The following RRAGC variants were observed in gnomAD, a reference collection of about 807,000 sequenced individuals.
The protein encoded by RRAGC is ras-related GTP-binding protein C.
RRAGC carries 8 observed loss-of-function variants against 37.1 expected under a neutral mutation model. The observed-to-expected ratio is 0.22, with a 90% CI of 0.13 to 0.39. The LOEUF (loss-of-function observed/expected upper bound fraction) is 0.39. Ranked by LOEUF, RRAGC falls within the 10% of genes least tolerant of loss-of-function variation. RRAGC has a pLI of 1.00. For synonymous variants in RRAGC, 190 were observed against 181.1 expected, an observed-to-expected ratio of 1.05 and a Z score of -0.39; for missense variants, 342 against 497.6, an observed-to-expected ratio of 0.69 and a Z score of 2.98.
In RRAGC at chr1:38,859,655, A is replaced by G. The variant is rs2124238935; in HGVS notation, c.-9T>C. The G allele has an allele frequency of 1.3e-6, 2 of 1,539,360 alleles. No individual in the cohort carries two copies. Among genetic ancestry groups the G allele is most frequent in the Non-Finnish European group, 1.7e-6 (2 of 1,143,548 alleles). ...CCGTACTGCAGGGACATGGTGCTGG[A>G]GCCGCCGCCGCCCGCGCCCTGACAG... On this transcript the variant is annotated 5_prime_UTR_variant, in exon 1 of 7. Coordinates refer to ENST00000373001, the MANE Select transcript of RRAGC (RefSeq NM_022157.4).
chr1:38,852,459 G>T lies in RRAGC; in HGVS notation c.671C>A (p.Ser224Ter). ...CACCTTACTAAAGGCTTCAAATATTGAATGGTCATAGATACTAGTCAGATA... is the reference window on the plus strand; with the variant it reads ...CACCTTACTAAAGGCTTCAAATATTTAATGGTCATAGATACTAGTCAGATA... ...SFYLTSIYDH[S>*]IFEAFSKVVQ... is the part of the protein sequence containing the mutation. The change falls in exon 4 of 7, where the codon TCA becomes TAA. Residue 224 changes from serine to a stop codon, truncating the protein, a stop_gained. Transcript: ENST00000373001. LOFTEE classifies it high-confidence loss of function. The T allele has an allele frequency of 6.2e-7, 1 of 1,603,380 alleles. No individual in the cohort carries two copies. The highest frequency in any genetic ancestry group is 8.5e-7 in the Non-Finnish European group (1 of 1,170,918).
rs1351672060 is a variant in RRAGC, at chr1:38,839,433, G to C, written c.*120C>G. ...ATCCAAATGAGAAACTCTACCCCTTGTCTCTAGTGGAACAGGCACCAGATT... is the reference window on the plus strand; with the variant it reads ...ATCCAAATGAGAAACTCTACCCCTTCTCTCTAGTGGAACAGGCACCAGATT... On this transcript the variant is annotated 3_prime_UTR_variant, in exon 7 of 7. Transcript: ENST00000373001. 2.0e-6 allele frequency: 2 copies of C among 1,018,798 alleles called. No homozygotes were observed. The highest frequency in any genetic ancestry group is 5.1e-5 in the East Asian group (2 of 39,450). The allele number at this position is 1,018,798 out of a possible 1,614,324, so 63.1% of individuals were successfully genotyped here. A position where few individuals can be genotyped will look rare whatever the true frequency, so the allele number is the denominator to read the frequency against.
In RRAGC at chr1:38,855,882, C is replaced by A. The variant is rs756733917; in HGVS notation, c.467G>T (p.Arg156Ile). 1 of 1,613,444 alleles carries A rather than the reference C, an allele frequency of 6.2e-7. No individual in the cohort carries two copies. Among genetic ancestry groups the A allele is most frequent in the Non-Finnish European group, 8.5e-7 (1 of 1,179,572 alleles). ...AQDDYMEALT[R>I]LHITVSKAYK... is the part of the protein sequence containing the mutation. ...GGCTTTAGAAACAGTAATGTGAAGTCTTGTTAAAGCCTCCATGTAGTCATC... is the reference window on the plus strand; with the variant it reads ...GGCTTTAGAAACAGTAATGTGAAGTATTGTTAAAGCCTCCATGTAGTCATC... Residue 156 changes from arginine (R) to isoleucine (I), a missense_variant, in exon 3 of 7, where the codon AGA becomes ATA. Coordinates refer to ENST00000373001, the MANE Select transcript of RRAGC (RefSeq NM_022157.4).
rs182112187 is a variant in RRAGC at position 38,858,294 on chromosome 1, G to A, written c.237+1116C>T. ...TTTGGATAGGCCTTTGCAACAGAGT[G>A]GAGAGGTGAAAAGACCAGGTGCCTG... On this transcript the variant is annotated intron_variant, in intron 1 of 6. Transcript: ENST00000373001. Among the ~76,000 whole-genome samples the A allele has an allele frequency of 3.3e-5, 5 of 152,264 alleles. No homozygotes were observed. In the East Asian group the frequency reaches 9.7e-4, roughly 29 times the overall value.
At chr1:38,839,746 A>AT in intron 6 of RRAGC, 42 bp from the exon 7 acceptor site, 1 of 1,594,116 alleles carries the variant, frequency 6.3e-7, no homozygotes, top group Non-Finnish European at 8.6e-7. Flanking sequence ...TGAATTGTCA[A>AT]TTGTGAAATT....
chr1:38,851,548 T>C, intron 5 of RRAGC, 67 bp downstream of exon 5: 1 of 1,406,008 alleles, frequency 7.1e-7, no homozygotes, highest in African/African-American at 1.5e-5. Context: ...AAATTAGTCT[T>C]CTGAACAAAT....
chr1:38,851,830 A>G, intron 4 of RRAGC, 73 bp from the exon 5 acceptor site: 1 of 1,344,696 alleles, frequency 7.4e-7, no homozygotes, highest in East Asian at 2.4e-5. Flanking sequence ...AAGATCTAGA[A>G]TTACTGAATA....
intron 5 of RRAGC, among the ~76,000 whole-genome samples, chr1:38,850,030 C>T (rs982859845): frequency 1.4e-5 from 2 of 147,168 alleles, no homozygotes; most frequent in Non-Finnish European, 1.5e-5. Context: ...CATGGTGAAA[C>T]CCAATCTCTA....
At chr1:38,859,383 C>A in intron 1 of RRAGC, 27 bp downstream of exon 1, 1 of 1,538,470 alleles carries the variant, frequency 6.5e-7, no homozygotes, top group South Asian at 1.2e-5. Context: ...GGGGAGGGGG[C>A]GGGGGACTGG....
intron 5 of RRAGC, chr1:38,847,921 T>C (rs1642047891): frequency 6.6e-6 from 1 of 151,850 alleles, no homozygotes. Context: ...CACACGCCTG[T>C]GCTCCTGGCT....
intron 1 of RRAGC, among the ~76,000 whole-genome samples, chr1:38,857,290 T>C (rs1435930189): frequency 6.6e-6 from 1 of 152,234 alleles, no homozygotes; most frequent in Admixed American, 6.5e-5. Context: ...AAATCTATTT[T>C]GGAGCTAAAT....
At chr1:38,848,982 C>T (rs1642061654) in intron 5 of RRAGC, among the ~76,000 whole-genome samples, 1 of 151,968 alleles carries the variant, frequency 6.6e-6, no homozygotes, top group Non-Finnish European at 1.5e-5. Context: ...AATCAAAACT[C>T]AGCCAGGCAT....
In RRAGC at chr1:38,859,651, C is replaced by A; in HGVS notation, c.-5G>T. ...CGCCCCGTACTGCAGGGACATGGTGCTGGAGCCGCCGCCGCCCGCGCCCTG... is the reference window on the plus strand; with the variant it reads ...CGCCCCGTACTGCAGGGACATGGTGATGGAGCCGCCGCCGCCCGCGCCCTG... On this transcript the variant is annotated 5_prime_UTR_variant, in exon 1 of 7. Coordinates refer to ENST00000373001, the MANE Select transcript of RRAGC (RefSeq NM_022157.4). 1 of 1,542,866 alleles carries A rather than the reference C, an allele frequency of 6.5e-7. No homozygotes were observed. The highest frequency in any genetic ancestry group is 8.7e-7 in the Non-Finnish European group (1 of 1,145,072).
At chr1:38,849,401 T>C (rs978316902) in intron 5 of RRAGC, among the ~76,000 whole-genome samples, 5 of 152,154 alleles carry the variant, frequency 3.3e-5, no homozygotes, top group Admixed American at 1.3e-4. Context: ...TATTTTAAAA[T>C]GTATTGGCTG....
At chr1:38,859,167 G>A (rs552573396) in intron 1 of RRAGC, among the ~76,000 whole-genome samples, 26 of 152,228 alleles carry the variant, frequency 1.7e-4, no homozygotes, top group Non-Finnish European at 3.2e-4. Context: ...CGGTGCCACC[G>A]GGCACCTGCC....
chr1:38,858,941 G>C (rs1315067181), intron 1 of RRAGC, among the ~76,000 whole-genome samples: 3 of 152,232 alleles, frequency 2.0e-5, no homozygotes, highest in Non-Finnish European at 4.4e-5. Flanking sequence ...TCAGTAGCGA[G>C]AATTACAACG....
chr1:38,843,997 A>C (rs998392261), intron 6 of RRAGC, among the ~76,000 whole-genome samples: 1 of 152,342 alleles, frequency 6.6e-6, no homozygotes, highest in East Asian at 1.9e-4. Context: ...AGTAACAGTT[A>C]CAAGAAACAA....
chr1:38,857,233 CTATCCCTTTAT>C, intron 1 of RRAGC, 151 bp from the exon 2 acceptor site: 1 of 614,824 alleles, frequency 1.6e-6, no homozygotes, highest in Non-Finnish European at 2.9e-6. Context: ...TTGGTATTCA[CTATCCCTTTAT>C]TTTTGACAAA....
intron 6 of RRAGC, among the ~76,000 whole-genome samples, chr1:38,843,668 C>T (rs1416964134): frequency 2.7e-5 from 4 of 148,900 alleles, no homozygotes; most frequent in Admixed American, 6.8e-5. Context: ...TGCAGTGAGC[C>T]GAGATTGCGC....
Sources: gnomAD v4.1 joint callset for allele counts (sites outside exome capture counted in the v4.1 genomes callset) on GRCh38, gnomAD v4.1.1 for gene constraint, MANE v1.5 for transcripts, NCBI Gene and HGNC (gene_info 2026-07-23, HGNC 2026-07-21) for gene names.